Variants in PPP2R2B observed in about 807,000 individuals in gnomAD.
PPP2R2B encodes the protein protein phosphatase 2 regulatory subunit Bbeta.
In PPP2R2B, 5 loss-of-function variants were observed where a neutral mutation model predicts 46.0. That is an observed-to-expected ratio of 0.11 (90% CI 0.06 to 0.23). The LOEUF (loss-of-function observed/expected upper bound fraction) is 0.23, where lower values mean the gene tolerates loss of function less well. PPP2R2B is among the 10% of genes least tolerant of loss of function. The pLI is 1.00. For missense variants in PPP2R2B, 367 were observed against 575.0 expected, an observed-to-expected ratio of 0.64 and a Z score of 3.70; for synonymous variants, 215 against 206.7, an observed-to-expected ratio of 1.04 and a Z score of -0.34.
In PPP2R2B at chr5:146,638,296, G is replaced by T; in HGVS notation, c.745C>A (p.Leu249Met). The change falls in exon 7 of 10, where the codon CTG becomes ATG. Residue 249 changes from leucine (L) to methionine (M), a missense_variant. By Grantham distance (15) the Leu-to-Met change is conservative (BLOSUM62 2). Transcript: ENST00000394411. ...VYSSSKGTIR[L>M]CDMRASALCD... ...AGGGCAGATGCCCGCATGTCACACA[G>T]CCGGATTGTCCCTTTGCTGCTGCTG... The T allele has an allele frequency of 6.2e-7, 1 of 1,614,028 alleles. No homozygotes were observed. The highest frequency in any genetic ancestry group is 1.1e-5 in the South Asian group (1 of 91,058).
At chr5:146,663,072 T>A (rs1285526030) in intron 5 of PPP2R2B, among the ~76,000 whole-genome samples, 1 of 152,204 alleles carries the variant, frequency 6.6e-6, no homozygotes, top group Non-Finnish European at 1.5e-5. Flanking sequence ...GTTATAAGTC[T>A]TAAAACTATT....
intron 1 of PPP2R2B, among the ~76,000 whole-genome samples, chr5:146,997,874 T>C: frequency 6.6e-6 from 1 of 152,238 alleles, no homozygotes; most frequent in East Asian, 1.9e-4. Context: ...GGTTTTGATT[T>C]ACATCCTCTA....
intron 1 of PPP2R2B, among the ~76,000 whole-genome samples, chr5:146,989,078 A>C (rs187781268): frequency 3.9e-4 from 59 of 152,218 alleles, no homozygotes; most frequent in African/African-American, 1.3e-3. Context: ...TGAACAGACC[A>C]ATAATGAGCA....
chr5:146,672,899 A>G (rs1446442410), intron 5 of PPP2R2B, among the ~76,000 whole-genome samples: 1 of 152,216 alleles, frequency 6.6e-6, no homozygotes, highest in Non-Finnish European at 1.5e-5. Context: ...TTGTCTTGAA[A>G]TATAGAAAAT....
intron 5 of PPP2R2B, among the ~76,000 whole-genome samples, chr5:146,651,488 C>T (rs907909349): frequency 3.9e-5 from 6 of 152,106 alleles, no homozygotes; most frequent in South Asian, 2.1e-4. Context: ...ATCAGAGAAT[C>T]GGCAACTAAA....
At chr5:147,067,351 C>G (rs769529850) in intron 2 of PPP2R2B, among the ~76,000 whole-genome samples, 2 of 152,136 alleles carry the variant, frequency 1.3e-5, no homozygotes, top group Non-Finnish European at 2.9e-5. Flanking sequence ...TATCAGTCTA[C>G]TCTCTGGTTC....
chr5:146,986,184 C>T (rs1753421923), intron 1 of PPP2R2B, among the ~76,000 whole-genome samples: 1 of 152,162 alleles, frequency 6.6e-6, no homozygotes, highest in Non-Finnish European at 1.5e-5. Context: ...GGCAGTACAG[C>T]ACAGTGCAGA....
chr5:146,670,719 C>T (rs1274314414), intron 5 of PPP2R2B, among the ~76,000 whole-genome samples: 1 of 151,992 alleles, frequency 6.6e-6, no homozygotes, highest in East Asian at 1.9e-4. Context: ...TGGTCTCGAA[C>T]TCCTGACTTC....
At chr5:146,836,803 T>C (rs1312536035) in intron 2 of PPP2R2B, among the ~76,000 whole-genome samples, 3 of 152,228 alleles carry the variant, frequency 2.0e-5, no homozygotes, top group African/African-American at 4.8e-5. Context: ...GTAATGGGCA[T>C]ACTATCTTGG....
intron 1 of PPP2R2B, chr5:147,040,657 C>A: frequency 2.4e-6 from 1 of 413,724 alleles, no homozygotes; most frequent in Non-Finnish European, 4.7e-6. Context: ...AAACATGTAA[C>A]ATATACCCTG....
intron 2 of PPP2R2B, among the ~76,000 whole-genome samples, chr5:146,842,481 CTT>C (rs1290808345): frequency 4.4e-4 from 59 of 135,172 alleles, no homozygotes; most frequent in East Asian, 2.0e-3. Context: ...CCTCCATGCC[CTT>C]TTTTTTTTTT....
chr5:146,588,750 C>CTTGA lies in PPP2R2B; in HGVS notation c.*1193_*1196dup. 6.6e-6 allele frequency: 1 copy of CTTGA among 152,296 alleles called. No individual in the cohort carries two copies. Among genetic ancestry groups the CTTGA allele is most frequent in the East Asian group, 1.9e-4 (1 of 5,180 alleles). 9.4% of individuals were successfully genotyped at this position (152,296 alleles called of 1,614,324 possible). A position where few individuals can be genotyped will look rare whatever the true frequency, so the allele number is the denominator to read the frequency against. On this transcript the variant is annotated 3_prime_UTR_variant, in exon 10 of 10. Transcript: ENST00000394411. The stretch of plus-strand genomic sequence containing the variant: ...CTTCATTCACTTCATGTCACAGCTG[C>CTTGA]TTGATTTCCCCACAGTTCATTTCTG...
intron 1 of PPP2R2B, among the ~76,000 whole-genome samples, chr5:147,006,267 A>G (rs952386965): frequency 6.6e-6 from 1 of 152,204 alleles, no homozygotes; most frequent in Non-Finnish European, 1.5e-5. Flanking sequence ...GTTTGCATTC[A>G]GCCAAATCTT....
intron 2 of PPP2R2B, among the ~76,000 whole-genome samples, chr5:146,708,540 C>A (rs1273400358): frequency 2.6e-5 from 4 of 151,754 alleles, no homozygotes; most frequent in Non-Finnish European, 5.9e-5. Flanking sequence ...TTCCATTGAC[C>A]CCAGAAAGTT....
chr5:147,041,873 C>T (rs538680359), intron 1 of PPP2R2B, among the ~76,000 whole-genome samples: 1 of 152,200 alleles, frequency 6.6e-6, no homozygotes, highest in South Asian at 2.1e-4. Flanking sequence ...TTTAGACTCT[C>T]CCTTTCCTTT....
chr5:146,740,748 T>G (rs1321147923), intron 2 of PPP2R2B, among the ~76,000 whole-genome samples: 4 of 151,912 alleles, frequency 2.6e-5, no homozygotes, highest in Non-Finnish European at 5.9e-5. Context: ...TTTTCACAGA[T>G]GAACATGAAA....
At chr5:146,901,473 C>T (rs1762834388) in intron 1 of PPP2R2B, among the ~76,000 whole-genome samples, 1 of 152,068 alleles carries the variant, frequency 6.6e-6, no homozygotes, top group African/African-American at 2.4e-5. Flanking sequence ...TGCACTCCAG[C>T]CTGGGTGACA....
At chr5:146,711,055 C>T (rs760650998) in intron 2 of PPP2R2B, among the ~76,000 whole-genome samples, 3 of 152,172 alleles carry the variant, frequency 2.0e-5, no homozygotes, top group Admixed American at 2.0e-4. Flanking sequence ...CCTCATTGCT[C>T]CCCATACTTT....
intron 5 of PPP2R2B, among the ~76,000 whole-genome samples, chr5:146,671,510 T>A (rs1187724061): frequency 6.6e-6 from 1 of 152,226 alleles, no homozygotes; most frequent in Non-Finnish European, 1.5e-5. Flanking sequence ...CTTTTACATT[T>A]GCTTCCTATA....
Sources: allele counts gnomAD v4.1 joint callset (sites outside exome capture counted in the v4.1 genomes callset), GRCh38; gene constraint gnomAD v4.1.1; transcripts MANE v1.5; gene names NCBI Gene and HGNC (gene_info 2026-07-23, HGNC 2026-07-21).